CNTNAP2: variants seen among roughly 807,000 people sequenced by gnomAD.
CNTNAP2 encodes the protein contactin-associated protein-like 2.
In CNTNAP2, 98 loss-of-function variants were observed where a neutral mutation model predicts 155.2. The ratio of observed to expected loss-of-function variants is 0.63; its 90% CI spans 0.54 to 0.75. The LOEUF is 0.75. Ranked by LOEUF, CNTNAP2 falls within the 30% of genes least tolerant of loss-of-function variation. The pLI is 0.00. For missense variants in CNTNAP2, 1,727 were observed against 1,688.1 expected, an observed-to-expected ratio of 1.02 and a Z score of -0.40; for synonymous variants, 651 against 631.2, an observed-to-expected ratio of 1.03 and a Z score of -0.47.
intron 13 of CNTNAP2, among the ~76,000 whole-genome samples, chr7:147,677,497 T>C (rs1398203890): frequency 1.3e-5 from 2 of 151,998 alleles, no homozygotes; most frequent in Non-Finnish European, 2.9e-5. Flanking sequence ...TTGTTTCCTT[T>C]GCTGTAGAAC....
chr7:146,199,288 A>G (rs1399444626), intron 1 of CNTNAP2, among the ~76,000 whole-genome samples: 1 of 152,200 alleles, frequency 6.6e-6, no homozygotes, highest in Non-Finnish European at 1.5e-5. Flanking sequence ...TAGCAGATAT[A>G]ATTGTTTACT....
At chr7:147,044,200 A>T (rs1799313193) in intron 4 of CNTNAP2, 146 bp downstream of exon 4, 3 of 797,258 alleles carry the variant, frequency 3.8e-6, no homozygotes, top group Non-Finnish European at 6.0e-6. Context: ...ATGCATAGAT[A>T]CATATATATA....
At chr7:147,699,735 G>T (rs1415299773) in intron 13 of CNTNAP2, among the ~76,000 whole-genome samples, 1 of 151,940 alleles carries the variant, frequency 6.6e-6, no homozygotes, top group Non-Finnish European at 1.5e-5. Context: ...CAATTCTGGG[G>T]CAATTAGTGC....
chr7:146,824,376 G>A (rs1803359098), intron 2 of CNTNAP2, among the ~76,000 whole-genome samples: 1 of 152,136 alleles, frequency 6.6e-6, no homozygotes, highest in Non-Finnish European at 1.5e-5. Context: ...ACAGTAGAAT[G>A]ATTTATAATC....
intron 13 of CNTNAP2, among the ~76,000 whole-genome samples, chr7:147,706,181 G>GTTTTTTTTTTTTTTTTTTTTTTTTTTT (rs767715009): frequency 7.5e-6 from 1 of 133,540 alleles, no homozygotes; most frequent in Admixed American, 7.8e-5. Flanking sequence ...AACATTTGAG[G>GTTTTTTTTTTTTTTTTTTTTTTTTTTT]TTTTTTTTTT....
intron 13 of CNTNAP2, among the ~76,000 whole-genome samples, chr7:147,768,816 T>A (rs1797422363): frequency 6.6e-6 from 1 of 152,036 alleles, no homozygotes; most frequent in Non-Finnish European, 1.5e-5. Flanking sequence ...CTACAAAAAA[T>A]TATGAACTGA....
intron 8 of CNTNAP2, among the ~76,000 whole-genome samples, chr7:147,194,072 C>T (rs942912418): frequency 1.3e-5 from 2 of 151,192 alleles, no homozygotes; most frequent in Non-Finnish European, 2.9e-5. Context: ...CCTCTAAGTT[C>T]CATCCCCTGA....
At chr7:146,346,498 A>G (rs537371998) in intron 1 of CNTNAP2, among the ~76,000 whole-genome samples, 6 of 152,156 alleles carry the variant, frequency 3.9e-5, no homozygotes, top group Admixed American at 3.9e-4. Context: ...CCTGACCAGC[A>G]TGGTGAAACC....
chr7:148,221,364 TG>T (rs1795745331), intron 19 of CNTNAP2, among the ~76,000 whole-genome samples: 1 of 152,112 alleles, frequency 6.6e-6, no homozygotes. Flanking sequence ...CAGAGGATGT[TG>T]GGCCAGGCTG....
chr7:147,966,868 C>T (rs1326609983), intron 14 of CNTNAP2, among the ~76,000 whole-genome samples: 1 of 152,064 alleles, frequency 6.6e-6, no homozygotes, highest in Non-Finnish European at 1.5e-5. Context: ...GTGAACTGTG[C>T]AGAAACAGAG....
intron 1 of CNTNAP2, among the ~76,000 whole-genome samples, chr7:146,259,479 T>G (rs2129081275): frequency 6.6e-6 from 1 of 152,266 alleles, no homozygotes; most frequent in East Asian, 1.9e-4. Flanking sequence ...AGTCCAGGCC[T>G]TGGTAGTCAC....
At chr7:146,931,581 A>G (rs1796758906) in intron 3 of CNTNAP2, among the ~76,000 whole-genome samples, 1 of 151,054 alleles carries the variant, frequency 6.6e-6, no homozygotes, top group South Asian at 2.1e-4. Flanking sequence ...AGAAATAACT[A>G]AAATCAGAGC....
At chr7:146,545,507 A>G (rs954498958) in intron 1 of CNTNAP2, among the ~76,000 whole-genome samples, 1 of 150,746 alleles carries the variant, frequency 6.6e-6, no homozygotes, top group Non-Finnish European at 1.5e-5. Context: ...TCACCCCCCA[A>G]CATGCCCTAC....
intron 2 of CNTNAP2, among the ~76,000 whole-genome samples, chr7:146,799,479 G>A (rs900023773): frequency 2.0e-5 from 3 of 152,186 alleles, no homozygotes; most frequent in African/African-American, 7.2e-5. Flanking sequence ...GTTTCTTTAT[G>A]CACATTCGAG....
intron 8 of CNTNAP2, among the ~76,000 whole-genome samples, chr7:147,186,807 A>G (rs1239891895): frequency 6.6e-6 from 1 of 152,168 alleles, no homozygotes; most frequent in Non-Finnish European, 1.5e-5. Context: ...AGGGAAGTGA[A>G]GGAGGGAACA....
At chr7:148,099,877 T>G (rs1804060563) in intron 15 of CNTNAP2, among the ~76,000 whole-genome samples, 1 of 140,346 alleles carries the variant, frequency 7.1e-6, no homozygotes. Flanking sequence ...GGTTTTTTTT[T>G]TTTTTTTTTT....
chr7:146,735,721 G>GCATATA (rs1563209925), intron 1 of CNTNAP2, among the ~76,000 whole-genome samples: 1 of 152,112 alleles, frequency 6.6e-6, no homozygotes, highest in African/African-American at 2.4e-5. Context: ...ATATATATGT[G>GCATATA]TAGAGAATAG....
At chr7:147,806,759 T>C (rs1296580254) in intron 13 of CNTNAP2, among the ~76,000 whole-genome samples, 1 of 152,094 alleles carries the variant, frequency 6.6e-6, no homozygotes, top group Non-Finnish European at 1.5e-5. Flanking sequence ...AAAAGGCAAA[T>C]ATTGCATATT....
chr7:147,453,818 T>G (rs2116573676), intron 10 of CNTNAP2, among the ~76,000 whole-genome samples: 1 of 152,312 alleles, frequency 6.6e-6, no homozygotes, highest in South Asian at 2.1e-4. Flanking sequence ...AAAAGTTCTT[T>G]AATGTATTTT....
Sources: allele counts gnomAD v4.1 joint callset (sites outside exome capture counted in the v4.1 genomes callset), GRCh38; gene constraint gnomAD v4.1.1; transcripts MANE v1.5; gene names NCBI Gene and HGNC (gene_info 2026-07-23, HGNC 2026-07-21).